CIT: variants seen among roughly 807,000 people sequenced by gnomAD.
The protein encoded by CIT is citron rho-interacting serine/threonine kinase, also known as citron Rho-interacting kinase.
In CIT, 79 loss-of-function variants were observed where a neutral mutation model predicts 272.7. That is an observed-to-expected ratio of 0.29 (90% CI 0.24 to 0.35). CIT has a LOEUF of 0.35. Among genes scored for constraint, CIT ranks in the 10% least tolerant of loss-of-function variants. The pLI, the probability that CIT is intolerant of heterozygous loss-of-function variation, is 1.00. For missense variants in CIT, 1,909 were observed against 2,618.3 expected (o/e 0.73, Z 5.91); for synonymous variants, 948 against 995.6 (o/e 0.95, Z 0.90).
rs1310332241 is a variant in CIT at position 119,690,290 on chromosome 12, C to T, written c.6047G>A (p.Arg2016His). ...GGGGGACTTCTCTCGCTCCAGGGGG[C>T]GGCCAGGAGACTTGTCCCTGCGCAG... ...TELRRDKSPG[R>H]PLEREKSPGR... Residue 2016 changes from arginine (R) to histidine (H), a missense_variant, in exon 47 of 48, where the codon CGC becomes CAC. By Grantham distance (29) the Arg-to-His change is conservative. Coordinates refer to ENST00000392521, the MANE Select transcript of CIT (RefSeq NM_001206999.2). The surrounding 1 kb of genome is among the most constrained non-coding windows in gnomAD (Gnocchi z 6.0). 3 of 1,585,776 alleles carry T rather than the reference C, an allele frequency of 1.9e-6. No individual in the cohort carries two copies. The highest frequency in any genetic ancestry group is 3.6e-5 in the Admixed American group (2 of 55,956).
chr12:119,814,940 A>C (rs763623550), intron 9 of CIT, among the ~76,000 whole-genome samples: 1 of 150,010 alleles, frequency 6.7e-6, no homozygotes, highest in African/African-American at 2.4e-5. Context: ...TGGGAGGCTG[A>C]GGCAGGAGAA....
In CIT at chr12:119,757,653, G is replaced by A. The variant is rs1336529582; in HGVS notation, c.2532-108C>T. 2.2e-6 allele frequency: 3 copies of A among 1,374,840 alleles called. No homozygotes were observed. In the African/African-American group the frequency reaches 4.3e-5, roughly 20 times the overall value. 85.2% of individuals were successfully genotyped at this position (1,374,840 alleles called of 1,614,324 possible). ...GGAGTTAGACATGTCTCCTCACTAA[G>A]TGGACTAGGGCCATTCCTGGGTTAG... On this transcript the variant is annotated intron_variant, in intron 21 of 47. Coordinates refer to ENST00000392521, the MANE Select transcript of CIT (RefSeq NM_001206999.2).
At chr12:119,688,348 G>A in intron 47 of CIT, 93 bp from the exon 48 acceptor site, 1 of 1,264,082 alleles carries the variant, frequency 7.9e-7, no homozygotes, top group South Asian at 1.2e-5. Context: ...GCAGCCCCTG[G>A]GCTATCCCCT....
intron 16 of CIT, among the ~76,000 whole-genome samples, chr12:119,774,639 C>T (rs145240704): frequency 1.6e-4 from 24 of 151,896 alleles, no homozygotes; most frequent in Non-Finnish European, 3.4e-4. Context: ...CCAATTATAC[C>T]TTAATGAAGC....
intron 8 of CIT, among the ~76,000 whole-genome samples, chr12:119,823,360 TC>T (rs1332294500): frequency 1.3e-5 from 2 of 152,196 alleles, no homozygotes; most frequent in Non-Finnish European, 2.9e-5. Context: ...TTCTGCATGT[TC>T]CCTCTGCACT....
intron 9 of CIT, among the ~76,000 whole-genome samples, chr12:119,821,679 A>G (rs1967736079): frequency 6.6e-6 from 1 of 152,240 alleles, no homozygotes; most frequent in Non-Finnish European, 1.5e-5. Flanking sequence ...AAGATTAAGT[A>G]CTTGAACAGC....
intron 5 of CIT, among the ~76,000 whole-genome samples, chr12:119,845,858 G>A (rs1027264607): frequency 1.0e-4 from 15 of 150,018 alleles, no homozygotes; most frequent in South Asian, 2.1e-4. Context: ...GCTGAGGCAG[G>A]AGAACCCGGG....
At chr12:119,754,607 T>G (rs540634321) in intron 22 of CIT, among the ~76,000 whole-genome samples, 1 of 152,272 alleles carries the variant, frequency 6.6e-6, no homozygotes, top group Non-Finnish European at 1.5e-5. Flanking sequence ...ACACACAAAG[T>G]TGGGGGAAGG....
At position 119,714,325 on chromosome 12, in the gene CIT, C is replaced by T. The variant is rs753655957; in HGVS notation, c.4178G>A (p.Arg1393Gln). The T allele has an allele frequency of 1.5e-5, 24 of 1,613,100 alleles. No individual in the cohort carries two copies. The highest frequency in any genetic ancestry group is 8.8e-5 in the South Asian group (8 of 90,942). The change falls in exon 33 of 48, where the codon CGG becomes CAG. Residue 1393 changes from arginine to glutamine, a missense_variant. This residue lies in a region of CIT where 780 missense variants were observed against 1,067.2 expected (regional missense o/e 0.73). Transcript: ENST00000392521. Reference sequence around the variant, plus strand: ...GTGGTGCATGCGTTCCTTAAGACGCCGACTAAATTCTGGAGGAAAATGTTT... The same window carrying T: ...GTGGTGCATGCGTTCCTTAAGACGCTGACTAAATTCTGGAGGAAAATGTTT... The part of the protein sequence containing the change: ...KESSTPEEFS[R>Q]RLKERMHHNI...
chr12:119,804,288 G>A lies in CIT; in HGVS notation c.1112-899C>T. ...AGTCACCAGGAGGCTGCCCATCGCGGTGGGCTCCCGGGGGTGTCCCCCGCC... is the reference window on the plus strand; with the variant it reads ...AGTCACCAGGAGGCTGCCCATCGCGATGGGCTCCCGGGGGTGTCCCCCGCC... On this transcript the variant is annotated intron_variant, in intron 9 of 47. Transcript: ENST00000392521. The surrounding 1 kb of genome is among the most constrained non-coding windows in gnomAD (Gnocchi z 5.3). 1.0e-6 allele frequency: 1 copy of A among 985,506 alleles called. No individual in the cohort carries two copies. Among genetic ancestry groups the A allele is most frequent in the Non-Finnish European group, 1.2e-6 (1 of 829,990 alleles). 61.0% of individuals were successfully genotyped at this position (985,506 alleles called of 1,614,324 possible).
At chr12:119,850,097 C>A in intron 5 of CIT, 77 bp downstream of exon 5, 2 of 931,830 alleles carry the variant, frequency 2.1e-6, no homozygotes, top group East Asian at 4.8e-5. Context: ...TGGGCAAGAA[C>A]AACATTCAGT....
intron 9 of CIT, among the ~76,000 whole-genome samples, chr12:119,822,211 G>T (rs1967779043): frequency 6.6e-6 from 1 of 152,212 alleles, no homozygotes; most frequent in African/African-American, 2.4e-5. Context: ...AAAGAAAAAA[G>T]AGCATTGTGT....
chr12:119,744,700 GC>G (rs1959184542), intron 23 of CIT, among the ~76,000 whole-genome samples: 1 of 131,526 alleles, frequency 7.6e-6, no homozygotes, highest in African/African-American at 3.0e-5. Context: ...GGGCAACAGG[GC>G]GAGACTCCGC....
chr12:119,708,417 G>C (rs1956986485), intron 39 of CIT, 99 bp from the exon 40 acceptor site: 3 of 1,215,500 alleles, frequency 2.5e-6, no homozygotes, highest in African/African-American at 3.1e-5. Context: ...AGTCACAAGA[G>C]GCCACACAGA....
intron 5 of CIT, among the ~76,000 whole-genome samples, chr12:119,840,846 C>G (rs1384301120): frequency 6.6e-6 from 1 of 152,160 alleles, no homozygotes; most frequent in African/African-American, 2.4e-5. Context: ...TCATAAGCTG[C>G]CACATTTCAC....
intron 28 of CIT, among the ~76,000 whole-genome samples, chr12:119,723,075 T>C (rs202126133): frequency 1.1e-5 from 1 of 94,322 alleles, no homozygotes; most frequent in African/African-American, 4.7e-5. Flanking sequence ...AAAACGAAAA[T>C]TTAAAAAAAA....
intron 40 of CIT, among the ~76,000 whole-genome samples, chr12:119,706,728 G>A (rs1275498505): frequency 6.6e-6 from 1 of 152,160 alleles, no homozygotes; most frequent in African/African-American, 2.4e-5. Flanking sequence ...TTGCTATTAT[G>A]AGTAGGCTGC....
rs1355569616 is a variant in CIT at position 119,713,745 on chromosome 12, C to T, written c.4307-97G>A. On this transcript the variant is annotated intron_variant, in intron 33 of 47. Coordinates refer to ENST00000392521, the MANE Select transcript of CIT (RefSeq NM_001206999.2). This position sits in a 1 kb window ranked among gnomAD's most constrained non-coding sequence, Gnocchi z 5.2. Reference sequence around the variant, plus strand: ...AACGCCTGGGCTTCTCTACCCCAGCCGGGCCCAGAGAGTCTGGCCCTGGCT... The same window carrying T: ...AACGCCTGGGCTTCTCTACCCCAGCTGGGCCCAGAGAGTCTGGCCCTGGCT... The T allele has an allele frequency of 9.7e-6, 13 of 1,333,918 alleles. No homozygotes were observed. Among genetic ancestry groups the T allele is most frequent in the Admixed American group, 1.7e-5 (1 of 57,774 alleles). 82.6% of individuals were successfully genotyped at this position (1,333,918 alleles called of 1,614,324 possible). A position where few individuals can be genotyped will look rare whatever the true frequency, so the allele number is the denominator to read the frequency against.
intron 5 of CIT, among the ~76,000 whole-genome samples, chr12:119,842,789 G>A (rs1038145743): frequency 6.6e-5 from 10 of 152,082 alleles, no homozygotes; most frequent in South Asian, 4.1e-4. Flanking sequence ...AATTACACAC[G>A]TGAAAGAAAA....
Sources: allele counts gnomAD v4.1 joint callset (sites outside exome capture counted in the v4.1 genomes callset), GRCh38; gene constraint gnomAD v4.1.1; regional missense constraint gnomAD v4.1.1; non-coding constraint Gnocchi (gnomAD v3.1); transcripts MANE v1.5; gene names NCBI Gene and HGNC (gene_info 2026-07-23, HGNC 2026-07-21).